The following CYFIP2 variants were observed in gnomAD, a reference collection of about 807,000 sequenced individuals.
The protein encoded by CYFIP2 is cytoplasmic FMR1-interacting protein 2.
Under a neutral mutation model 158.7 loss-of-function variants are expected in CYFIP2, and 29 were observed. The ratio of observed to expected loss-of-function variants is 0.18; its 90% CI spans 0.14 to 0.25. The LOEUF is 0.25. Ranked by LOEUF, CYFIP2 falls within the 10% of genes least tolerant of loss-of-function variation. The probability of loss-of-function intolerance (pLI) is 1.00; values close to 1 mark genes in which losing one functional copy is unlikely to be tolerated. For missense variants in CYFIP2, 852 were observed against 1,639.5 expected (o/e 0.52, Z 8.29); for synonymous variants, 585 against 617.6 (o/e 0.95, Z 0.78).
intron 15 of CYFIP2, among the ~76,000 whole-genome samples, 193 bp from the exon 16 acceptor site, chr5:157,323,728 C>T (rs568989817): frequency 3.9e-5 from 6 of 152,254 alleles, no homozygotes; most frequent in African/African-American, 9.6e-5. Flanking sequence ...CCACGGGGCC[C>T]GGGTTGGCCA....
chr5:157,323,819 A>C, intron 15 of CYFIP2, 102 bp from the exon 16 acceptor site: 205 of 1,197,898 alleles, frequency 1.7e-4, no homozygotes, highest in Middle Eastern at 4.0e-4. Context: ...AAGAGCAGAC[A>C]TCTGCAGAAA....
At position 157,333,364 on chromosome 5, in the gene CYFIP2, C is replaced by T; in HGVS notation, c.2303C>T (p.Thr768Ile). The change falls in exon 21 of 31, where the codon ACC becomes ATC. Residue 768 changes from threonine (T) to isoleucine (I), a missense_variant. Around this residue, in one of 8 missense-constraint regions of CYFIP2, gnomAD observed 191 missense variants for 311.2 expected, o/e 0.61. Transcript: ENST00000620254. The part of the protein sequence containing the change: ...GRSIDLNRLI[T>I]QRISAAMYKS... Reference sequence around the variant, plus strand: ...TCAATTGACTTGAACAGACTCATTACCCAGCGCATCTCTGCCGCCATGTAT... The same window carrying T: ...TCAATTGACTTGAACAGACTCATTATCCAGCGCATCTCTGCCGCCATGTAT... The T allele has an allele frequency of 6.2e-7, 1 of 1,613,968 alleles. No homozygotes were observed. Among genetic ancestry groups the T allele is most frequent in the Non-Finnish European group, 8.5e-7 (1 of 1,179,860 alleles).
At chr5:157,304,461 T>C in intron 8 of CYFIP2, 95 bp downstream of exon 8, 1 of 1,390,448 alleles carries the variant, frequency 7.2e-7, no homozygotes, top group Non-Finnish European at 9.8e-7. Flanking sequence ...TGTTTCTTTT[T>C]TCTTAAACAT....
chr5:157,325,388 C>T (rs1054919105), intron 16 of CYFIP2, 94 bp from the exon 17 acceptor site: 1 of 1,364,844 alleles, frequency 7.3e-7, no homozygotes. Flanking sequence ...ATACCTAACA[C>T]AGTGACAATA....
At chr5:157,294,640 T>A (rs57128614) in intron 3 of CYFIP2, 143 bp from the exon 4 acceptor site, 2 of 556,676 alleles carry the variant, frequency 3.6e-6, no homozygotes, top group South Asian at 5.6e-5. Flanking sequence ...GGACCTGAGA[T>A]TCTCCATTTC....
At position 157,392,985 on chromosome 5, in the gene CYFIP2, G is replaced by C. The variant is rs1366154620; in HGVS notation, c.3747G>C (p.Leu1249Phe). The change falls in exon 31 of 31, where the codon TTG becomes TTC. Residue 1249 changes from leucine to phenylalanine, a missense_variant. By Grantham distance (22) the Leu-to-Phe change is conservative. Around this residue, in one of 8 missense-constraint regions of CYFIP2, gnomAD observed 223 missense variants for 381.6 expected, o/e 0.58. Transcript: ENST00000620254. The part of the protein sequence containing the change: ...RCFQPPIHQS[L>F]ATTC ...TCCAGCCACCCATCCACCAGTCCTT[G>C]GCCACCACTTGCTAAGCAGAAGATC... is the stretch of plus-strand genomic sequence containing the variant. 6.2e-7 allele frequency: 1 copy of C among 1,613,766 alleles called. No homozygotes were observed. The highest frequency in any genetic ancestry group is 8.5e-7 in the Non-Finnish European group (1 of 1,179,800).
rs1261088135 is a variant in CYFIP2, at chr5:157,330,878, A to G, written c.2265+28A>G. ...ATGGGGAGCAGAAGCCACCTTGGAG[A>G]TGGAAGGGGCAGGAGAGAGCAGCTG... On this transcript the variant is annotated intron_variant, in intron 20 of 30. Coordinates refer to ENST00000620254, the MANE Select transcript of CYFIP2 (RefSeq NM_001037333.3). The G allele has an allele frequency of 2.6e-6, 4 of 1,558,176 alleles. No individual in the cohort carries two copies. In the South Asian group the frequency reaches 3.3e-5, roughly 13 times the overall value.
At chr5:157,392,393 T>C (rs1236005310) in intron 30 of CYFIP2, among the ~76,000 whole-genome samples, 4 of 152,208 alleles carry the variant, frequency 2.6e-5, no homozygotes, top group Non-Finnish European at 5.9e-5. Flanking sequence ...TCTGAGTTAA[T>C]TTTTTGTATA....
intron 23 of CYFIP2, among the ~76,000 whole-genome samples, chr5:157,352,719 C>T (rs895769916): frequency 6.6e-6 from 1 of 152,156 alleles, no homozygotes; most frequent in Non-Finnish European, 1.5e-5. Flanking sequence ...GACATCAGGT[C>T]CTAATCCTGG....
At chr5:157,305,363 C>T (rs1261282311) in intron 8 of CYFIP2, among the ~76,000 whole-genome samples, 1 of 152,230 alleles carries the variant, frequency 6.6e-6, no homozygotes, top group African/African-American at 2.4e-5. Flanking sequence ...GCTTTTGCTA[C>T]ATTTTGCCAA....
At chr5:157,310,588 G>A (rs765056129) in intron 10 of CYFIP2, among the ~76,000 whole-genome samples, 10 of 152,346 alleles carry the variant, frequency 6.6e-5, no homozygotes, top group Admixed American at 2.0e-4. Context: ...AGCGCGTGAC[G>A]GGGTTTTGCA....
At position 157,300,908 on chromosome 5, in the gene CYFIP2, C is replaced by G. The variant is rs764849957; in HGVS notation, c.569+12C>G. On this transcript the variant is annotated intron_variant, in intron 6 of 30. Transcript: ENST00000620254. ...TCTGCCTACAAGAGGTCAGGGCAAC[C>G]TCCCCCTCTCCCCTTTCCCCATCCA... is the stretch of plus-strand genomic sequence containing the variant. 1 of 1,531,704 alleles carries G rather than the reference C, an allele frequency of 6.5e-7. No homozygotes were observed. The highest frequency in any genetic ancestry group is 1.4e-5 in the African/African-American group (1 of 72,836). 94.9% of individuals were successfully genotyped at this position (1,531,704 alleles called of 1,614,324 possible).
chr5:157,320,023 G>A, intron 14 of CYFIP2, 95 bp downstream of exon 14: 1 of 1,472,126 alleles, frequency 6.8e-7, no homozygotes, highest in Non-Finnish European at 9.2e-7. Flanking sequence ...AACACACATG[G>A]GTCCTTCCAG....
chr5:157,299,293 A>AGT (rs1396299335), intron 5 of CYFIP2, among the ~76,000 whole-genome samples: 2 of 152,190 alleles, frequency 1.3e-5, no homozygotes, highest in Non-Finnish European at 2.9e-5. Flanking sequence ...TGCAAGAGAC[A>AGT]GTGCCCTGAC....
intron 21 of CYFIP2, among the ~76,000 whole-genome samples, chr5:157,336,516 C>T (rs1307794187): frequency 6.6e-6 from 1 of 152,188 alleles, no homozygotes; most frequent in African/African-American, 2.4e-5. Flanking sequence ...TGGCAGGCTT[C>T]ATTTATGTGT....
intron 4 of CYFIP2, among the ~76,000 whole-genome samples, chr5:157,295,492 C>G (rs1758179954): frequency 6.6e-6 from 1 of 152,236 alleles, no homozygotes; most frequent in Admixed American, 6.5e-5. Flanking sequence ...CCTTCTAATT[C>G]TAGGCCCCAG....
At chr5:157,376,738 AGCACCCACTTATGCAAACCTT>A (rs146807661) in intron 26 of CYFIP2, 12,374 of 330,056 alleles carry the variant, frequency 0.037, 303 homozygotes, top group Middle Eastern at 0.083. Flanking sequence ...CACCCTGAGA[AGCACCCACTTATGCAAACCTT>A]GCACTTGCAC....
intron 3 of CYFIP2, among the ~76,000 whole-genome samples, chr5:157,293,010 A>AT (rs1215295358): frequency 1.4e-5 from 2 of 144,248 alleles, no homozygotes; most frequent in South Asian, 2.2e-4. Flanking sequence ...TTGAGCCCAG[A>AT]TATGTATGTA....
At chr5:157,343,208 T>TG (rs749913841) in intron 23 of CYFIP2, 11 of 1,614,050 alleles carry the variant, frequency 6.8e-6, no homozygotes, top group Middle Eastern at 1.6e-4. Flanking sequence ...AAGGGAGATC[T>TG]GGGGGTCTAC....
Sources: allele counts gnomAD v4.1 joint callset (sites outside exome capture counted in the v4.1 genomes callset), GRCh38; gene constraint gnomAD v4.1.1; regional missense constraint gnomAD v4.1.1; transcripts MANE v1.5; gene names NCBI Gene and HGNC (gene_info 2026-07-23, HGNC 2026-07-21).